PSD3: variants seen among roughly 807,000 people sequenced by gnomAD.
PSD3 encodes PH and SEC7 domain-containing protein 3.
Under a neutral mutation model 105.5 loss-of-function variants are expected in PSD3, and 49 were observed. That is an observed-to-expected ratio of 0.46 (90% CI 0.37 to 0.59). PSD3 has a LOEUF of 0.59. PSD3 is among the 20% of genes least tolerant of loss of function. The pLI is 0.00. For synonymous variants in PSD3, 557 were observed against 457.8 expected, an observed-to-expected ratio of 1.22 and a Z score of -2.77; for missense variants, 1,561 against 1,263.8, an observed-to-expected ratio of 1.24 and a Z score of -3.57.
At chr8:18,581,179 A>T (rs1802792034) in intron 12 of PSD3, among the ~76,000 whole-genome samples, 1 of 152,228 alleles carries the variant, frequency 6.6e-6, no homozygotes, top group Non-Finnish European at 1.5e-5. Context: ...ATGGATCATC[A>T]GAACCAACAG....
chr8:18,970,639 T>C (rs1824590358), intron 1 of PSD3, among the ~76,000 whole-genome samples: 1 of 152,002 alleles, frequency 6.6e-6, no homozygotes, highest in African/African-American at 2.4e-5. Flanking sequence ...TTCCTAGAAT[T>C]GTCCTCTGAA....
intron 1 of PSD3, among the ~76,000 whole-genome samples, chr8:18,987,724 T>A (rs183671554): frequency 6.6e-6 from 1 of 151,962 alleles, no homozygotes; most frequent in African/African-American, 2.4e-5. Context: ...GAGGCTGAGG[T>A]GAGAGAATCA....
intron 8 of PSD3, among the ~76,000 whole-genome samples, chr8:18,770,316 A>G (rs900610004): frequency 6.6e-6 from 1 of 152,022 alleles, no homozygotes; most frequent in Non-Finnish European, 1.5e-5. Flanking sequence ...TCTTATTGGA[A>G]TATTTATATT....
intron 10 of PSD3, among the ~76,000 whole-genome samples, chr8:18,651,722 C>G (rs757883533): frequency 5.9e-5 from 9 of 152,062 alleles, no homozygotes; most frequent in African/African-American, 1.2e-4. Flanking sequence ...TTCTGGTTAG[C>G]AAGATCAGAA....
intron 9 of PSD3, among the ~76,000 whole-genome samples, chr8:18,739,127 G>T (rs760162586): frequency 6.6e-6 from 1 of 152,056 alleles, no homozygotes; most frequent in Non-Finnish European, 1.5e-5. Context: ...AACTTCAGAT[G>T]GATGAATATT....
intron 9 of PSD3, among the ~76,000 whole-genome samples, chr8:18,722,117 T>C (rs1254678550): frequency 2.0e-5 from 3 of 151,658 alleles, no homozygotes; most frequent in Non-Finnish European, 4.4e-5. Context: ...AGCTGCGGTA[T>C]TGAACTTAAA....
In PSD3 at chr8:18,776,453, G is replaced by A. The variant is rs190120938; in HGVS notation, c.2083-10915C>T. On this transcript the variant is annotated intron_variant, in intron 8 of 15. Transcript: ENST00000327040. ...GGCTGGAGTGCAGTGGCACAACCTC[G>A]GCTGACTGCAACCTATACCTCCTAG... Among the ~76,000 whole-genome samples, 17 of 150,754 alleles carry A rather than the reference G, an allele frequency of 1.1e-4. No homozygotes were observed. In the East Asian group the frequency reaches 1.6e-3, roughly 14 times the overall value.
chr8:18,582,884 G>T (rs1802911484), intron 12 of PSD3, among the ~76,000 whole-genome samples: 1 of 147,714 alleles, frequency 6.8e-6, no homozygotes, highest in South Asian at 2.1e-4. Flanking sequence ...GGAGTGCAGT[G>T]GCAAGATCTC....
chr8:19,035,201 A>C (rs2129476439), intron 1 of PSD3, among the ~76,000 whole-genome samples: 1 of 152,326 alleles, frequency 6.6e-6, no homozygotes, highest in Admixed American at 6.5e-5. Flanking sequence ...TATCATCTTA[A>C]ACATATTATA....
At chr8:19,068,425 G>A (rs1829147495) in intron 1 of PSD3, among the ~76,000 whole-genome samples, 1 of 152,050 alleles carries the variant, frequency 6.6e-6, no homozygotes, top group Admixed American at 6.6e-5. Flanking sequence ...GACAAGCTGG[G>A]ACTGCAGGTG....
At chr8:18,908,072 G>A (rs543836630) in intron 2 of PSD3, among the ~76,000 whole-genome samples, 11 of 152,202 alleles carry the variant, frequency 7.2e-5, no homozygotes, top group South Asian at 2.1e-4. Context: ...TTGATAACAG[G>A]TAAATTAATA....
In PSD3 at chr8:19,070,308, C is replaced by G. The variant is rs1586691264; in HGVS notation, c.324+13898G>C. Among the ~76,000 whole-genome samples the G allele has an allele frequency of 2.1e-5, 3 of 143,552 alleles. 1 individual carries two copies. The South Asian group carries it at 6.6e-4, about 32-fold the overall frequency. 94.2% of individuals were successfully genotyped at this position (143,552 alleles called of 152,430 possible). A position where few individuals can be genotyped will look rare whatever the true frequency, so the allele number is the denominator to read the frequency against. On this transcript the variant is annotated intron_variant, in intron 1 of 1. Transcript: ENST00000521475. Reference sequence around the variant, plus strand: ...CAAAAAAATTTGGAGCATTCACTTTCAAAATATACATATTGATTTATGACT... The same window carrying G: ...CAAAAAAATTTGGAGCATTCACTTTGAAAATATACATATTGATTTATGACT...
chr8:18,617,610 C>G (rs959827443), intron 11 of PSD3, among the ~76,000 whole-genome samples: 1 of 152,130 alleles, frequency 6.6e-6, no homozygotes, highest in Non-Finnish European at 1.5e-5. Context: ...TCCCAACTGC[C>G]TGAATGAACC....
chr8:18,548,679 C>T (rs1208796566), intron 15 of PSD3, among the ~76,000 whole-genome samples: 11 of 152,152 alleles, frequency 7.2e-5, no homozygotes, highest in Admixed American at 3.9e-4. Flanking sequence ...TGAATCCCAC[C>T]GAATTGAGCT....
intron 1 of PSD3, among the ~76,000 whole-genome samples, chr8:18,964,977 G>A (rs1186633177): frequency 1.3e-5 from 2 of 152,122 alleles, no homozygotes; most frequent in South Asian, 2.1e-4. Context: ...CCATTTGCAT[G>A]ACCAACTTAT....
In PSD3 at chr8:18,871,738, A is replaced by G. The variant is rs915461830; in HGVS notation, c.1126T>C (p.Ser376Pro). Residue 376 changes from serine to proline, a missense_variant, in exon 3 of 16, where the codon TCG becomes CCG. Ser to Pro is a moderately conservative substitution (Grantham distance 74). Coordinates refer to ENST00000327040, the MANE Select transcript of PSD3 (RefSeq NM_015310.4). Reference sequence around the variant, plus strand: ...AGACGCACAGGGGAAAATGTCCCCGAGCTAGTGCCAGGCCTCTCTGAAGGA... The same window carrying G: ...AGACGCACAGGGGAAAATGTCCCCGGGCTAGTGCCAGGCCTCTCTGAAGGA... ...KAPSERPGTS[S>P]GTFSPVRLDE... is the part of the protein sequence containing the mutation. 2 of 1,614,032 alleles carry G rather than the reference A, an allele frequency of 1.2e-6. No homozygotes were observed. The highest frequency in any genetic ancestry group is 1.3e-5 in the African/African-American group (1 of 74,902).
intron 1 of PSD3, chr8:18,979,759 T>G (rs1352955749): frequency 1.1e-5 from 2 of 175,730 alleles, no homozygotes; most frequent in African/African-American, 4.8e-5. Flanking sequence ...TTAATAGAAA[T>G]TCTTGCTACA....
chr8:19,014,251 G>C (rs1262462788), upstream of PSD3: 1 of 152,146 alleles, frequency 6.6e-6, no homozygotes, highest in Non-Finnish European at 1.5e-5. The surrounding 1 kb of genome is among the most constrained non-coding windows in gnomAD (Gnocchi z 4.9). Flanking sequence ...CGGCCTCTCT[G>C]ACCGGGCTCC....
At chr8:18,619,733 T>C (rs1365205061) in intron 11 of PSD3, among the ~76,000 whole-genome samples, 2 of 152,142 alleles carry the variant, frequency 1.3e-5, no homozygotes, top group Non-Finnish European at 2.9e-5. Flanking sequence ...AATGGATTTT[T>C]ATTAACCTGG....
Sources: gnomAD v4.1 joint callset for allele counts (sites outside exome capture counted in the v4.1 genomes callset) on GRCh38, gnomAD v4.1.1 for gene constraint, Gnocchi (gnomAD v3.1) non-coding constraint, MANE v1.5 for transcripts, NCBI Gene and HGNC (gene_info 2026-07-23, HGNC 2026-07-21) for gene names.